Variants in ROBO2 observed in about 807,000 individuals in gnomAD.
ROBO2 encodes roundabout homolog 2.
In ROBO2, 53 loss-of-function variants were observed where a neutral mutation model predicts 160.8. The ratio of observed to expected loss-of-function variants is 0.33; its 90% CI spans 0.26 to 0.41. The LOEUF (loss-of-function observed/expected upper bound fraction) is 0.41. ROBO2 is among the 10% of genes least tolerant of loss of function. ROBO2 has a pLI of 1.00. For missense variants in ROBO2, 1,577 were observed against 1,722.4 expected, an observed-to-expected ratio of 0.92 and a Z score of 1.49; for synonymous variants, 664 against 611.7, an observed-to-expected ratio of 1.09 and a Z score of -1.26.
At chr3:76,139,235 G>C (rs1577017541) in intron 2 of ROBO2, among the ~76,000 whole-genome samples, 1 of 151,968 alleles carries the variant, frequency 6.6e-6, no homozygotes, top group Non-Finnish European at 1.5e-5. Context: ...ACTGTAATAT[G>C]CTTTGTATTT....
intron 2 of ROBO2, among the ~76,000 whole-genome samples, chr3:76,825,060 C>T (rs538716531): frequency 1.3e-5 from 2 of 152,290 alleles, no homozygotes; most frequent in African/African-American, 4.8e-5. Flanking sequence ...GACTCAGTGT[C>T]TCCTCTCCAA....
intron 2 of ROBO2, among the ~76,000 whole-genome samples, chr3:76,288,745 A>G (rs1270870730): frequency 1.3e-5 from 2 of 151,982 alleles, no homozygotes; most frequent in Non-Finnish European, 2.9e-5. Flanking sequence ...GTAAAATTTG[A>G]TTTTCTGTTC....
chr3:77,284,679 CT>C (rs2060465000), intron 2 of ROBO2, among the ~76,000 whole-genome samples: 1 of 152,190 alleles, frequency 6.6e-6, no homozygotes, highest in African/African-American at 2.4e-5. Context: ...AATTTGCCTT[CT>C]TCTTTGCTGT....
intron 2 of ROBO2, among the ~76,000 whole-genome samples, chr3:77,450,031 G>GAA (rs11325457): frequency 1.3e-5 from 2 of 149,488 alleles, no homozygotes; most frequent in African/African-American, 4.9e-5. Context: ...TGTAAACACA[G>GAA]AAAAAAAAAA....
rs117881246 is a variant in ROBO2 at position 76,903,757 on chromosome 3, G to A, written c.110-194257G>A. Reference sequence around the variant, plus strand: ...ATTGATTATTCTTGTGTAACGATAGGCACAGAATTCCCCGATAGCCATTTG... The same window carrying A: ...ATTGATTATTCTTGTGTAACGATAGACACAGAATTCCCCGATAGCCATTTG... On this transcript the variant is annotated intron_variant, in intron 2 of 26. Transcript: ENST00000487694. Among the ~76,000 whole-genome samples, 3 of 152,176 alleles carry A rather than the reference G, an allele frequency of 2.0e-5. No individual in the cohort carries two copies. The East Asian group carries it at 5.8e-4, about 29-fold the overall frequency.
At chr3:76,707,962 T>C (rs1161209556) in intron 2 of ROBO2, among the ~76,000 whole-genome samples, 5 of 151,976 alleles carry the variant, frequency 3.3e-5, no homozygotes, top group African/African-American at 1.2e-4. Flanking sequence ...CATCCCCTCT[T>C]GAGAGAAAAA....
chr3:76,585,805 T>C (rs1346858512), intron 2 of ROBO2, among the ~76,000 whole-genome samples: 1 of 152,206 alleles, frequency 6.6e-6, no homozygotes, highest in Non-Finnish European at 1.5e-5. Flanking sequence ...TTTGGCAGAA[T>C]TTGTCATTAG....
intron 2 of ROBO2, among the ~76,000 whole-genome samples, chr3:77,028,087 C>T (rs2063086307): frequency 6.6e-6 from 1 of 151,836 alleles, no homozygotes; most frequent in Admixed American, 6.6e-5. Context: ...GTTTCATTTC[C>T]TTACTCCTCT....
chr3:77,469,741 A>G (rs2083159871), intron 2 of ROBO2, among the ~76,000 whole-genome samples: 1 of 152,182 alleles, frequency 6.6e-6, no homozygotes, highest in African/African-American at 2.4e-5. Context: ...AATCCAAACA[A>G]TTCAAATTGT....
chr3:76,933,642 C>G (rs1023199989), intron 2 of ROBO2, among the ~76,000 whole-genome samples: 3 of 152,144 alleles, frequency 2.0e-5, no homozygotes, highest in Non-Finnish European at 2.9e-5. Context: ...AAAGCCTTTC[C>G]TCCTCTAAGT....
At chr3:75,988,954 A>C (rs630218) in intron 2 of ROBO2, among the ~76,000 whole-genome samples, 47 of 151,882 alleles carry the variant, frequency 3.1e-4, no homozygotes, top group African/African-American at 1.1e-3. Flanking sequence ...TTAAAATCTT[A>C]TATTGAATTT....
intron 2 of ROBO2, among the ~76,000 whole-genome samples, chr3:76,992,227 A>G (rs2060705924): frequency 6.6e-6 from 1 of 151,378 alleles, no homozygotes; most frequent in African/African-American, 2.4e-5. Flanking sequence ...CATGAGACTC[A>G]TGGCAGCAGT....
intron 2 of ROBO2, among the ~76,000 whole-genome samples, chr3:76,106,501 C>T (rs2069939646): frequency 6.6e-6 from 1 of 152,030 alleles, no homozygotes; most frequent in Admixed American, 6.6e-5. Flanking sequence ...TCTTGTCTTT[C>T]CCACTATTTT....
chr3:76,929,614 G>C (rs11914968), intron 2 of ROBO2, among the ~76,000 whole-genome samples: 49,589 of 152,082 alleles, frequency 0.33, 9,490 homozygotes, highest in African/African-American at 0.54. Context: ...CCCTTAAAAC[G>C]TAAGGCAGAA....
At chr3:76,287,161 C>A (rs1433006721) in intron 2 of ROBO2, among the ~76,000 whole-genome samples, 1 of 152,180 alleles carries the variant, frequency 6.6e-6, no homozygotes, top group East Asian at 1.9e-4. Flanking sequence ...CACTAAAAGG[C>A]AAGCTTTGGA....
At chr3:76,236,671 A>G (rs1704965493) in intron 2 of ROBO2, among the ~76,000 whole-genome samples, 1 of 152,122 alleles carries the variant, frequency 6.6e-6, no homozygotes. Context: ...TTGGAGTGGG[A>G]CATTGGAATA....
At chr3:77,007,677 T>A (rs1458293871) in intron 2 of ROBO2, among the ~76,000 whole-genome samples, 1 of 152,124 alleles carries the variant, frequency 6.6e-6, no homozygotes, top group Non-Finnish European at 1.5e-5. Context: ...AGTTTATCCA[T>A]TTCTGCACCT....
intron 2 of ROBO2, among the ~76,000 whole-genome samples, chr3:76,965,785 G>GTATATGTATA (rs2059250383): frequency 7.7e-6 from 1 of 129,222 alleles, no homozygotes; most frequent in South Asian, 2.4e-4. Flanking sequence ...TTGTGTTTGT[G>GTATATGTATA]TATATATATA....
At chr3:76,997,201 T>C (rs1272256768) in intron 2 of ROBO2, among the ~76,000 whole-genome samples, 1 of 152,180 alleles carries the variant, frequency 6.6e-6, no homozygotes, top group Non-Finnish European at 1.5e-5. Flanking sequence ...ATCACAACAT[T>C]TTAATCTATA....
Sources: gnomAD v4.1 joint callset for allele counts (sites outside exome capture counted in the v4.1 genomes callset) on GRCh38, gnomAD v4.1.1 for gene constraint, MANE v1.5 for transcripts, NCBI Gene and HGNC (gene_info 2026-07-23, HGNC 2026-07-21) for gene names.